The following CLIC4 variants were observed in gnomAD, a reference collection of about 807,000 sequenced individuals.
CLIC4 encodes the protein CLIC family member 4, also known as chloride intracellular channel protein 4.
A neutral mutation model predicts 24.6 loss-of-function variants in CLIC4; 13 were observed. The observed-to-expected ratio is 0.53, with a 90% confidence interval of 0.34 to 0.84. CLIC4 has a LOEUF of 0.84. Among genes scored for constraint, CLIC4 ranks in the 40% least tolerant of loss-of-function variants. The probability of loss-of-function intolerance (pLI) is 0.01; values close to 1 mark genes in which losing one functional copy is unlikely to be tolerated. For synonymous variants in CLIC4, 104 were observed against 111.3 expected, an observed-to-expected ratio of 0.93 and a Z score of 0.41; for missense variants, 227 against 301.7, an observed-to-expected ratio of 0.75 and a Z score of 1.83.
chr1:24,787,614 G>C (rs1173473113), intron 1 of CLIC4, among the ~76,000 whole-genome samples: 1 of 151,662 alleles, frequency 6.6e-6, no homozygotes, highest in Non-Finnish European at 1.5e-5. Flanking sequence ...TCTGCTCACT[G>C]CAAGCTCCGC....
intron 1 of CLIC4, among the ~76,000 whole-genome samples, chr1:24,792,525 A>G (rs1639352485): frequency 6.6e-6 from 1 of 152,174 alleles, no homozygotes; most frequent in Non-Finnish European, 1.5e-5. Flanking sequence ...AAAAATAAAA[A>G]TAAATATTTC....
intron 1 of CLIC4, among the ~76,000 whole-genome samples, chr1:24,795,536 T>C (rs896274877): frequency 1.1e-4 from 16 of 151,182 alleles, no homozygotes; most frequent in African/African-American, 2.9e-4. Flanking sequence ...CTATCTCTAA[T>C]TGAAAAAAAA....
chr1:24,808,271 G>A (rs527909499), intron 2 of CLIC4, among the ~76,000 whole-genome samples: 1 of 152,178 alleles, frequency 6.6e-6, no homozygotes, highest in South Asian at 2.1e-4. Context: ...GTATCCATGG[G>A]GGATTGGTTC....
Position 24,814,233 on chromosome 1 carries a change from A to G in CLIC4, c.308+14A>G. 6.2e-7 allele frequency: 1 copy of G among 1,603,004 alleles called. No individual in the cohort carries two copies. Among genetic ancestry groups the G allele is most frequent in the Non-Finnish European group, 8.5e-7 (1 of 1,176,176 alleles). On this transcript the variant is annotated intron_variant, in intron 3 of 5. Coordinates refer to ENST00000374379, the MANE Select transcript of CLIC4 (RefSeq NM_013943.3). ...ATGCCCTCCCAAGTGAGTATCAAGGAAAATACGTATGAAAATATTGTCACT... is the reference window on the plus strand; with the variant it reads ...ATGCCCTCCCAAGTGAGTATCAAGGGAAATACGTATGAAAATATTGTCACT...
chr1:24,803,010 C>T (rs924062779), intron 2 of CLIC4, among the ~76,000 whole-genome samples: 7 of 152,150 alleles, frequency 4.6e-5, no homozygotes, highest in East Asian at 3.9e-4. Flanking sequence ...TGCCTGGCCT[C>T]GTCCAAATCT....
chr1:24,796,960 AT>A (rs1210786379), intron 1 of CLIC4, among the ~76,000 whole-genome samples: 71 of 144,816 alleles, frequency 4.9e-4, no homozygotes, highest in South Asian at 1.3e-3. Context: ...TTATTTATTT[AT>A]TTTTTTTTTT....
intron 3 of CLIC4, among the ~76,000 whole-genome samples, chr1:24,822,887 T>C (rs1297738293): frequency 6.6e-6 from 1 of 152,176 alleles, no homozygotes; most frequent in Non-Finnish European, 1.5e-5. Context: ...TCCTTCCCTC[T>C]ATTGTGCTAT....
chr1:24,796,766 G>A lies in CLIC4; in HGVS notation c.73-976G>A, dbSNP rs146682889. On this transcript the variant is annotated intron_variant, in intron 1 of 5. Coordinates refer to ENST00000374379, the MANE Select transcript of CLIC4 (RefSeq NM_013943.3). Reference sequence around the variant, plus strand: ...CCCTGTCAGTAAGTGATTCATGACTGTAATTTAAAATAAATGAAACAAAAA... The same window carrying A: ...CCCTGTCAGTAAGTGATTCATGACTATAATTTAAAATAAATGAAACAAAAA... Among the ~76,000 whole-genome samples the A allele has an allele frequency of 2.8e-4, 43 of 152,080 alleles. No individual in the cohort carries two copies. In the East Asian group the frequency reaches 7.7e-3, roughly 27 times the overall value.
chr1:24,827,542 G>GT (rs35037847), intron 4 of CLIC4, among the ~76,000 whole-genome samples: 966 of 95,836 alleles, frequency 0.01, 15 homozygotes, highest in African/African-American at 0.033. Flanking sequence ...TCAGTCTGAG[G>GT]TTTTTTTTTT....
chr1:24,790,043 G>A (rs764167700), intron 1 of CLIC4, among the ~76,000 whole-genome samples: 5 of 152,064 alleles, frequency 3.3e-5, no homozygotes, highest in African/African-American at 4.8e-5. Flanking sequence ...TCCAAGTGCC[G>A]CACTGGGTTA....
chr1:24,801,884 T>C (rs1034806892), intron 2 of CLIC4, among the ~76,000 whole-genome samples: 4 of 152,236 alleles, frequency 2.6e-5, no homozygotes, highest in African/African-American at 9.6e-5. Context: ...GAGTTAAAAC[T>C]ACAAGCTCTT....
rs183258007 is a variant in CLIC4, at chr1:24,789,530, C to G, written c.73-8212C>G. Reference sequence around the variant, plus strand: ...AAGACTCTGTCTCAAAACAAATAAACAAACAAAAAAACCTGGAAATATATA... The same window carrying G: ...AAGACTCTGTCTCAAAACAAATAAAGAAACAAAAAAACCTGGAAATATATA... On this transcript the variant is annotated intron_variant, in intron 1 of 5. Transcript: ENST00000374379. 2.5e-3 allele frequency among the ~76,000 whole-genome samples: 383 copies of G among 152,020 alleles called. 1 individual carries two copies. The highest frequency in any genetic ancestry group is 8.7e-3 in the African/African-American group (363 of 41,498).
At chr1:24,782,739 G>A (rs138741272) in intron 1 of CLIC4, among the ~76,000 whole-genome samples, 6 of 152,234 alleles carry the variant, frequency 3.9e-5, no homozygotes, top group African/African-American at 1.2e-4. Context: ...CACCGCTTTC[G>A]GAGGCTGAGG....
At chr1:24,784,827 A>G (rs970061854) in intron 1 of CLIC4, among the ~76,000 whole-genome samples, 14 of 152,036 alleles carry the variant, frequency 9.2e-5, no homozygotes, top group African/African-American at 3.4e-4. Flanking sequence ...AACCTGGTGA[A>G]ACCCCATCTC....
At chr1:24,760,184 G>A (rs543943015) in intron 1 of CLIC4, among the ~76,000 whole-genome samples, 2 of 152,004 alleles carry the variant, frequency 1.3e-5, no homozygotes, top group South Asian at 2.1e-4. Context: ...GGCCAACATG[G>A]GGAAACCCCG....
rs1026317134 is a variant in CLIC4 at position 24,766,602 on chromosome 1, C to G, written c.72+20977C>G. Among the ~76,000 whole-genome samples the G allele has an allele frequency of 2.8e-5, 4 of 140,716 alleles. 1 individual carries two copies. The South Asian group carries it at 6.8e-4, about 24-fold the overall frequency. 92.3% of individuals were successfully genotyped at this position (140,716 alleles called of 152,430 possible). ...CACTGCAACCTCCGTCTCCTGGGCT[C>G]AAGTGATTCTTGTGCCTCAGCTTCC... On this transcript the variant is annotated intron_variant, in intron 1 of 5. Transcript: ENST00000374379.
rs545492017 is a variant in CLIC4 at position 24,818,946 on chromosome 1, T to G, written c.308+4727T>G. On this transcript the variant is annotated intron_variant, in intron 3 of 5. Transcript: ENST00000374379. Reference sequence around the variant, plus strand: ...CATACTATACAGAAATAGTATGTAATGTATATTATTATTAATATTATATGT... The same window carrying G: ...CATACTATACAGAAATAGTATGTAAGGTATATTATTATTAATATTATATGT... Among the ~76,000 whole-genome samples, 11 of 152,012 alleles carry G rather than the reference T, an allele frequency of 7.2e-5. No individual in the cohort carries two copies. In the South Asian group the frequency reaches 2.3e-3, roughly 32 times the overall value.
At chr1:24,818,429 G>A (rs1251363140) in intron 3 of CLIC4, among the ~76,000 whole-genome samples, 1 of 152,112 alleles carries the variant, frequency 6.6e-6, no homozygotes, top group Non-Finnish European at 1.5e-5. Context: ...TGGGATTACA[G>A]GCACCTGCCA....
intron 1 of CLIC4, among the ~76,000 whole-genome samples, chr1:24,768,359 C>T (rs145207206): frequency 8.1e-4 from 123 of 152,220 alleles, no homozygotes; most frequent in Admixed American, 1.7e-3. Flanking sequence ...ATTAACTAGC[C>T]TTTATCTAAT....
Sources: allele counts gnomAD v4.1 joint callset (sites outside exome capture counted in the v4.1 genomes callset), GRCh38; gene constraint gnomAD v4.1.1; transcripts MANE v1.5; gene names NCBI Gene and HGNC (gene_info 2026-07-23, HGNC 2026-07-21).